ARHGEF11: variants seen among roughly 807,000 people sequenced by gnomAD.
ARHGEF11 encodes Rho guanine nucleotide exchange factor 11.
Under a neutral mutation model 193.7 loss-of-function variants are expected in ARHGEF11, and 55 were observed. That is an observed-to-expected ratio of 0.28 (90% CI 0.23 to 0.36). The LOEUF is 0.36. ARHGEF11 is among the 10% of genes least tolerant of loss of function. The pLI is 1.00. For synonymous variants in ARHGEF11, 693 were observed against 768.0 expected, an observed-to-expected ratio of 0.90 and a Z score of 1.62; for missense variants, 1,723 against 2,005.6, an observed-to-expected ratio of 0.86 and a Z score of 2.69.
rs1557915650 is a variant in ARHGEF11, at chr1:156,991,718, T to TA, written c.33-5546_33-5545insT. Among the ~76,000 whole-genome samples, 8 of 84,034 alleles carry TA rather than the reference T, an allele frequency of 9.5e-5. No individual in the cohort carries two copies. In the South Asian group the frequency reaches 1.7e-3, roughly 18 times the overall value. 55.1% of individuals were successfully genotyped at this position (84,034 alleles called of 152,430 possible). ...TTCTTTTTTTCAAGCTTATTTTTTT[T>TA]TTTTTTTTTTTTTTTTGAGACGGAG... On this transcript the variant is annotated intron_variant, in intron 1 of 40. Coordinates refer to ENST00000368194, the MANE Select transcript of ARHGEF11 (RefSeq NM_198236.3).
rs546575252 is a variant in ARHGEF11, at chr1:157,042,531, C to T, written c.32+1768G>A. Among the ~76,000 whole-genome samples, 10 of 152,330 alleles carry T rather than the reference C, an allele frequency of 6.6e-5. No individual in the cohort carries two copies. The South Asian group carries it at 2.1e-3, about 32-fold the overall frequency. ...GGCAAGCCAGGTAGCCTCTCTGAGC[C>T]TCAGTTTCCCCTTCTGTGAAACATG... On this transcript the variant is annotated intron_variant, in intron 1 of 40. Transcript: ENST00000368194.
rs899079806 is a variant in ARHGEF11, at chr1:157,045,085, A to AT, written c.-756_-755insA. 6.6e-5 allele frequency: 10 copies of AT among 152,006 alleles called. No homozygotes were observed. The highest frequency in any genetic ancestry group is 2.2e-4 in the African/African-American group (9 of 41,398). The allele number at this position is 152,006 out of a possible 1,614,324, so 9.4% of individuals were successfully genotyped here. ...TAAATGAGCCAATTGCACCAAAAAAAAAAATAAAATAAAAATCAAAGAACA... is the reference window on the plus strand; with the variant it reads ...TAAATGAGCCAATTGCACCAAAAAAATAAAATAAAATAAAAATCAAAGAACA... On this transcript the variant is annotated 5_prime_UTR_variant, in exon 1 of 41. Transcript: ENST00000368194.
intron 34 of ARHGEF11, 62 bp from the exon 35 acceptor site, chr1:156,941,495 A>C (rs1402054653): frequency 6.5e-7 from 1 of 1,549,886 alleles, no homozygotes; most frequent in Non-Finnish European, 8.9e-7. Context: ...CTCATGCATT[A>C]GAATGGGCAA....
Position 157,036,943 on chromosome 1 carries a change from T to C in ARHGEF11, c.32+7356A>G, listed in dbSNP as rs150646791. 7.9e-3 allele frequency among the ~76,000 whole-genome samples: 1,194 copies of C among 151,908 alleles called. 8 individuals are homozygous for C. The highest frequency in any genetic ancestry group is 0.027 in the African/African-American group (1,138 of 41,438). ...GAGTTTGAGACTAGCCAGGCCAACA[T>C]GGTGAAACCCCGTCTCTACTAAAAA... On this transcript the variant is annotated intron_variant, in intron 1 of 40. Coordinates refer to ENST00000368194, the MANE Select transcript of ARHGEF11 (RefSeq NM_198236.3).
At chr1:156,977,100 A>T in intron 6 of ARHGEF11, 46 bp from the exon 7 acceptor site, 1 of 1,497,648 alleles carries the variant, frequency 6.7e-7, no homozygotes, top group Non-Finnish European at 9.3e-7. Flanking sequence ...GACTAACTCA[A>T]CAGCTTAGCT....
chr1:156,980,539 T>C (rs1663976191), intron 3 of ARHGEF11, 53 bp from the exon 4 acceptor site: 3 of 1,547,670 alleles, frequency 1.9e-6, no homozygotes, highest in East Asian at 2.4e-5. Context: ...CCACTGAAGC[T>C]ACACGAAGGT....
chr1:156,936,860 G>C lies in ARHGEF11; in HGVS notation c.4586C>G (p.Ser1529Cys). The C allele has an allele frequency of 1.2e-6, 2 of 1,614,102 alleles. No individual in the cohort carries two copies. Among genetic ancestry groups the C allele is most frequent in the Middle Eastern group, 1.7e-4 (1 of 6,058 alleles). ...LSPPAKEPLA[S>C]DSRNSHELGP... ...CAGTTCATGGCTGTTCCTGGAGTCA[G>C]AAGCTAGGGGCTCCTTAGCGGGAGG... The change falls in exon 40 of 41, where the codon TCT (serine) becomes TGT (cysteine). Residue 1529 changes from serine to cysteine, a missense_variant. By Grantham distance (112) the Ser-to-Cys change is moderately radical (BLOSUM62 -1). Around this residue, in one of 5 missense-constraint regions of ARHGEF11, gnomAD observed 360 missense variants for 344.4 expected, o/e 1.05. Transcript: ENST00000368194.
intron 21 of ARHGEF11, among the ~76,000 whole-genome samples, chr1:156,953,842 T>C (rs1446565914): frequency 6.6e-6 from 1 of 152,174 alleles, no homozygotes; most frequent in African/African-American, 2.4e-5. Context: ...ATGTTTTAAA[T>C]ACATGGATTC....
intron 1 of ARHGEF11, among the ~76,000 whole-genome samples, chr1:157,021,564 A>C (rs192454169): frequency 6.6e-6 from 1 of 152,346 alleles, no homozygotes; most frequent in Non-Finnish European, 1.5e-5. Flanking sequence ...ATGGTGTTTC[A>C]TAAAAGGAAA....
chr1:156,972,171 A>G (rs1284670989), intron 7 of ARHGEF11, among the ~76,000 whole-genome samples: 1 of 152,212 alleles, frequency 6.6e-6, no homozygotes, highest in Non-Finnish European at 1.5e-5. Flanking sequence ...AGAACATAAA[A>G]AAGTGCTTAA....
intron 13 of ARHGEF11, among the ~76,000 whole-genome samples, chr1:156,962,803 T>C (rs573084124): frequency 7.6e-6 from 1 of 131,808 alleles, no homozygotes; most frequent in African/African-American, 2.9e-5. Context: ...AGCGTGAACC[T>C]GGGAGGCGGA....
At chr1:157,043,840 G>A (rs988888619) in intron 1 of ARHGEF11, among the ~76,000 whole-genome samples, 3 of 152,146 alleles carry the variant, frequency 2.0e-5, no homozygotes, top group Non-Finnish European at 2.9e-5. Flanking sequence ...GATCCACCCC[G>A]TCACCAAGCC....
At chr1:157,024,435 T>C (rs1453126833) in intron 1 of ARHGEF11, among the ~76,000 whole-genome samples, 1 of 152,156 alleles carries the variant, frequency 6.6e-6, no homozygotes, top group Non-Finnish European at 1.5e-5. Context: ...AAGAAGAATA[T>C]ACATGAAAAT....
rs565052341 is a variant in ARHGEF11 at position 157,013,859 on chromosome 1, T to C, written c.33-27686A>G. 1.7e-4 allele frequency among the ~76,000 whole-genome samples: 26 copies of C among 152,340 alleles called. No homozygotes were observed. In the South Asian group the frequency reaches 5.0e-3, roughly 29 times the overall value. ...ACGTCCTCTCAGCTTCTCTTCCTTT[T>C]CGCCTGAATTCCATAGCTGATCACC... is the stretch of plus-strand genomic sequence containing the variant. On this transcript the variant is annotated intron_variant, in intron 1 of 40. Transcript: ENST00000368194.
intron 21 of ARHGEF11, among the ~76,000 whole-genome samples, chr1:156,952,035 C>T (rs1659191521): frequency 6.6e-6 from 1 of 152,054 alleles, no homozygotes; most frequent in Non-Finnish European, 1.5e-5. Context: ...CTAAAAGCCA[C>T]ATACAGGTTA....
chr1:157,046,193 G>C (rs1342783716), upstream of ARHGEF11, among the ~76,000 whole-genome samples: 1 of 146,290 alleles, frequency 6.8e-6, no homozygotes, highest in Non-Finnish European at 1.5e-5. Flanking sequence ...GGGCGACCCC[G>C]GCCCTGACCC....
intron 1 of ARHGEF11, among the ~76,000 whole-genome samples, chr1:157,035,716 CATAGATGG>C (rs1671835326): frequency 1.3e-5 from 2 of 150,144 alleles, no homozygotes; most frequent in African/African-American, 4.9e-5. Flanking sequence ...ATGATTTCCA[CATAGATGG>C]CCCTCCAGCC....
rs757875282 is a variant in ARHGEF11 at position 156,948,436 on chromosome 1, C to T, written c.1988G>A (p.Arg663Gln). Residue 663 changes from arginine (R) to glutamine (Q), a missense_variant, in exon 23 of 41, where the codon CGG becomes CAG. Around this residue, in one of 5 missense-constraint regions of ARHGEF11, gnomAD observed 491 missense variants for 654.5 expected, o/e 0.75. Coordinates refer to ENST00000368194, the MANE Select transcript of ARHGEF11 (RefSeq NM_198236.3). This position sits in a 1 kb window ranked among gnomAD's most constrained non-coding sequence, Gnocchi z 4.2. ...ESLKGREEMK[R>Q]SRKAENVPRS... ...GGGCACGTTCTCTGCCTTTCGAGAC[C>T]GTTTCATCTCTTCCCGGCCCTTGAG... 30 of 1,614,102 alleles carry T rather than the reference C, an allele frequency of 1.9e-5. No individual in the cohort carries two copies. Among genetic ancestry groups the T allele is most frequent in the South Asian group, 2.2e-5 (2 of 91,086 alleles).
At chr1:157,007,040 G>A (rs1019153689) in intron 1 of ARHGEF11, among the ~76,000 whole-genome samples, 1 of 152,166 alleles carries the variant, frequency 6.6e-6, no homozygotes, top group Non-Finnish European at 1.5e-5. Context: ...GAGGTACCAG[G>A]ACATGACTGA....
Sources: allele counts gnomAD v4.1 joint callset (sites outside exome capture counted in the v4.1 genomes callset), GRCh38; gene constraint gnomAD v4.1.1; regional missense constraint gnomAD v4.1.1; non-coding constraint Gnocchi (gnomAD v3.1); transcripts MANE v1.5; gene names NCBI Gene and HGNC (gene_info 2026-07-23, HGNC 2026-07-21).